Variants in EPHA6 observed in about 807,000 individuals in gnomAD.
EPHA6 encodes the protein EPH receptor A6.
In EPHA6, 50 loss-of-function variants were observed where a neutral mutation model predicts 112.0. The ratio of observed to expected loss-of-function variants is 0.45; its 90% CI spans 0.36 to 0.56. The LOEUF (loss-of-function observed/expected upper bound fraction) is 0.56, where lower values mean the gene tolerates loss of function less well. EPHA6 is among the 20% of genes least tolerant of loss of function. EPHA6 has a pLI of 0.00. For missense variants in EPHA6, 1,280 were observed against 1,417.4 expected (o/e 0.90, Z 1.56); for synonymous variants, 529 against 490.7 (o/e 1.08, Z -1.03).
At chr3:97,177,044 T>A (rs1287306529) in intron 3 of EPHA6, among the ~76,000 whole-genome samples, 1 of 151,928 alleles carries the variant, frequency 6.6e-6, no homozygotes, top group African/African-American at 2.4e-5. Context: ...CTCTGAGTAC[T>A]GCTTTTGCTT....
intron 6 of EPHA6, among the ~76,000 whole-genome samples, chr3:97,441,630 C>T (rs77189794): frequency 0.05 from 7,528 of 151,954 alleles, 570 homozygotes; most frequent in African/African-American, 0.16. Context: ...TTGGTTTGCA[C>T]AGTAAAATAT....
intron 3 of EPHA6, among the ~76,000 whole-genome samples, chr3:97,138,308 C>A (rs572952451): frequency 6.6e-6 from 1 of 152,276 alleles, no homozygotes; most frequent in South Asian, 2.1e-4. Flanking sequence ...GGAGCCCATC[C>A]CCCAAGGCTC....
At chr3:96,912,627 GT>G (rs2039275507) in intron 2 of EPHA6, among the ~76,000 whole-genome samples, 1 of 152,104 alleles carries the variant, frequency 6.6e-6, no homozygotes, top group African/African-American at 2.4e-5. Context: ...TCACTCTGTC[GT>G]TCAGGCTGGA....
intron 2 of EPHA6, among the ~76,000 whole-genome samples, chr3:96,901,058 G>A (rs57752822): frequency 0.014 from 2,057 of 152,158 alleles, 50 homozygotes; most frequent in African/African-American, 0.045. Context: ...CATTTTGCTG[G>A]GAATAGAAAA....
rs1299517732 is a variant in EPHA6 at position 97,121,567 on chromosome 3, A to C, written c.1115-104697A>C. 3.9e-5 allele frequency among the ~76,000 whole-genome samples: 6 copies of C among 152,204 alleles called. 1 individual carries two copies. Among genetic ancestry groups the C allele is most frequent in the African/African-American group, 1.4e-4 (6 of 41,552 alleles). On this transcript the variant is annotated intron_variant, in intron 3 of 17. Transcript: ENST00000389672. ...ATTCCAAATACAAACTGTTTTTACA[A>C]AACCACTTGTCCACTTGGCTGGGTG...
chr3:97,441,419 A>G, intron 6 of EPHA6: 1 of 977,416 alleles, frequency 1.0e-6, no homozygotes, highest in Non-Finnish European at 1.2e-6. Flanking sequence ...AATACAGACA[A>G]ACAAAACTAC....
At chr3:97,033,664 G>C (rs969833175) in intron 3 of EPHA6, among the ~76,000 whole-genome samples, 2 of 151,894 alleles carry the variant, frequency 1.3e-5, no homozygotes, top group African/African-American at 4.8e-5. Flanking sequence ...GATGAGGAAT[G>C]TCAACTCAGA....
At chr3:97,345,501 T>C (rs978658043) in intron 5 of EPHA6, among the ~76,000 whole-genome samples, 2 of 152,160 alleles carry the variant, frequency 1.3e-5, no homozygotes, top group Non-Finnish European at 2.9e-5. Context: ...ATGTGATTCT[T>C]AAGGTGGGCT....
chr3:97,184,676 G>A lies in EPHA6; in HGVS notation c.1115-41588G>A, dbSNP rs558842236. Among the ~76,000 whole-genome samples, 5 of 152,204 alleles carry A rather than the reference G, an allele frequency of 3.3e-5. No homozygotes were observed. The East Asian group carries it at 9.7e-4, about 29-fold the overall frequency. ...ATAGATTCAATGCCATCCCCATCAA[G>A]CTACCAATGACTTTCTTCACAGAAC... On this transcript the variant is annotated intron_variant, in intron 3 of 17. Transcript: ENST00000389672.
chr3:97,646,183 G>C, intron 14 of EPHA6: 1 of 1,535,750 alleles, frequency 6.5e-7, no homozygotes. Flanking sequence ...GAAAGCTTGT[G>C]TGAGCAGTGC....
At chr3:97,170,266 AT>A (rs1423607756) in intron 3 of EPHA6, among the ~76,000 whole-genome samples, 1 of 152,092 alleles carries the variant, frequency 6.6e-6, no homozygotes, top group Non-Finnish European at 1.5e-5. Flanking sequence ...AATTGTTACT[AT>A]TAGTGCAACT....
chr3:97,277,592 G>C (rs938095868), intron 5 of EPHA6, among the ~76,000 whole-genome samples: 1 of 152,126 alleles, frequency 6.6e-6, no homozygotes, highest in African/African-American at 2.4e-5. Flanking sequence ...ATAACCTATT[G>C]CTCCTAGGCT....
intron 3 of EPHA6, among the ~76,000 whole-genome samples, chr3:97,025,088 A>T (rs1227308792): frequency 6.6e-6 from 1 of 152,182 alleles, no homozygotes; most frequent in Non-Finnish European, 1.5e-5. Context: ...TTTGCCACTC[A>T]CAGGGCAAGC....
intron 13 of EPHA6, among the ~76,000 whole-genome samples, chr3:97,611,532 A>G (rs1454427896): frequency 6.6e-6 from 1 of 151,946 alleles, no homozygotes; most frequent in Non-Finnish European, 1.5e-5. Context: ...TTAAGATTTG[A>G]AAAAGCATCA....
At chr3:97,481,533 G>A (rs555384961) in intron 9 of EPHA6, 8 of 846,822 alleles carry the variant, frequency 9.4e-6, no homozygotes, top group Admixed American at 3.6e-5. Flanking sequence ...GTGCAGGCCC[G>A]GGGGTCCCTA....
At chr3:96,885,947 A>C (rs2037596102) in intron 2 of EPHA6, among the ~76,000 whole-genome samples, 1 of 152,136 alleles carries the variant, frequency 6.6e-6, no homozygotes, top group Admixed American at 6.5e-5. Context: ...AGTTTGAAGA[A>C]TTTTTAAATT....
At chr3:96,941,503 AT>A (rs1415764443) in intron 2 of EPHA6, among the ~76,000 whole-genome samples, 2 of 152,162 alleles carry the variant, frequency 1.3e-5, no homozygotes, top group East Asian at 3.9e-4. Context: ...CATTCGTCTA[AT>A]TTTTTTGAAA....
intron 2 of EPHA6, among the ~76,000 whole-genome samples, chr3:96,950,385 A>G (rs2041474082): frequency 6.6e-6 from 1 of 152,144 alleles, no homozygotes; most frequent in African/African-American, 2.4e-5. Context: ...TTTGCACAAT[A>G]CTGGTATACT....
chr3:97,733,765 A>G (rs958259195), intron 15 of EPHA6, among the ~76,000 whole-genome samples: 1 of 152,092 alleles, frequency 6.6e-6, no homozygotes, highest in Non-Finnish European at 1.5e-5. Context: ...AAACTATGAA[A>G]TAAATAATTT....
Sources: allele counts gnomAD v4.1 joint callset (sites outside exome capture counted in the v4.1 genomes callset), GRCh38; gene constraint gnomAD v4.1.1; transcripts MANE v1.5; gene names NCBI Gene and HGNC (gene_info 2026-07-23, HGNC 2026-07-21).